Variants in USH2A observed in about 807,000 individuals in gnomAD.
USH2A encodes the protein Usher syndrome 2A (autosomal recessive, mild).
Under a neutral mutation model 538.9 loss-of-function variants are expected in USH2A, and 443 were observed. That is an observed-to-expected ratio of 0.82 (90% CI 0.76 to 0.89). The LOEUF (loss-of-function observed/expected upper bound fraction) is 0.89, where lower values mean the gene tolerates loss of function less well. Ranked by LOEUF, USH2A falls within the 40% of genes least tolerant of loss-of-function variation. The pLI is 0.00. For missense variants in USH2A, 6,633 were observed against 6,324.8 expected (o/e 1.05, Z -1.65); for synonymous variants, 2,413 against 2,273.5 (o/e 1.06, Z -1.75).
chr1:216,061,597 C>T (rs2031184811), intron 30 of USH2A, among the ~76,000 whole-genome samples: 1 of 152,140 alleles, frequency 6.6e-6, no homozygotes, highest in African/African-American at 2.4e-5. Context: ...AATGTCCAGG[C>T]CACATTCCAG....
chr1:216,338,542 A>T (rs2038018285), intron 4 of USH2A, among the ~76,000 whole-genome samples: 1 of 151,594 alleles, frequency 6.6e-6, no homozygotes, highest in South Asian at 2.1e-4. Flanking sequence ...AACCATAAAA[A>T]GTAACTGATA....
intron 9 of USH2A, among the ~76,000 whole-genome samples, chr1:216,311,777 C>T (rs1334595883): frequency 1.3e-5 from 2 of 151,976 alleles, no homozygotes; most frequent in African/African-American, 4.8e-5. Context: ...TTAAATAACA[C>T]GATACCACTT....
chr1:216,040,423 G>C (rs1256550228), intron 32 of USH2A, among the ~76,000 whole-genome samples: 1 of 151,970 alleles, frequency 6.6e-6, no homozygotes, highest in Admixed American at 6.6e-5. Flanking sequence ...AGCACAACTC[G>C]CATAAACCTC....
In USH2A at chr1:216,147,727, C is replaced by A. The variant is rs1392515264; in HGVS notation, c.4627+27525G>T. 2.0e-5 allele frequency among the ~76,000 whole-genome samples: 3 copies of A among 150,798 alleles called. No homozygotes were observed. In the East Asian group the frequency reaches 5.9e-4, roughly 30 times the overall value. On this transcript the variant is annotated intron_variant, in intron 21 of 71. Coordinates refer to ENST00000307340, the MANE Select transcript of USH2A (RefSeq NM_206933.4). ...TTCCTTGCCTCCACTGTGAGACAAA[C>A]CCCAGCCACATCTCCAGCACACAAG...
At position 215,648,657 on chromosome 1, in the gene USH2A, G is replaced by A. The variant is rs143344549; in HGVS notation, c.14453C>T (p.Pro4818Leu). 108 of 1,614,148 alleles carry A rather than the reference G, an allele frequency of 6.7e-5. No individual in the cohort carries two copies. The highest frequency in any genetic ancestry group is 2.7e-4 in the South Asian group (25 of 91,074). The change falls in exon 66 of 72, where the codon CCG becomes CTG. Residue 4818 changes from proline to leucine, a missense_variant. Physicochemically the swap from Pro to Leu is moderately conservative, Grantham distance 98. Transcript: ENST00000307340. ...CTCFNCCSKG[P>L]TAELRTHPAP... ...AGGATGGGTTCTCAGTTCAGCTGTCGGTCCTTTGCTGCAACAGTTGAAGCA... is the reference window on the plus strand; with the variant it reads ...AGGATGGGTTCTCAGTTCAGCTGTCAGTCCTTTGCTGCAACAGTTGAAGCA...
At chr1:216,188,626 C>T (rs767759060) in intron 20 of USH2A, among the ~76,000 whole-genome samples, 1 of 151,858 alleles carries the variant, frequency 6.6e-6, no homozygotes, top group Admixed American at 6.6e-5. Context: ...TAAGAAATCA[C>T]ATTCTAAAAG....
At chr1:215,645,241 A>G (rs969570097) in intron 67 of USH2A, among the ~76,000 whole-genome samples, 1 of 152,072 alleles carries the variant, frequency 6.6e-6, no homozygotes, top group Non-Finnish European at 1.5e-5. Flanking sequence ...GAAGGTGGAG[A>G]TGGTTTGAAG....
intron 49 of USH2A, among the ~76,000 whole-genome samples, chr1:215,805,190 C>T (rs1009756094): frequency 2.6e-5 from 4 of 151,722 alleles, no homozygotes; most frequent in South Asian, 2.1e-4. Flanking sequence ...TGTTAAATGA[C>T]GAGTTAATGG....
At chr1:216,201,204 A>G (rs1308558227) in intron 16 of USH2A, among the ~76,000 whole-genome samples, 3 of 151,352 alleles carry the variant, frequency 2.0e-5, no homozygotes, top group Non-Finnish European at 4.4e-5. Context: ...GCCTATCCCC[A>G]TCGGCAACTT....
chr1:215,990,582 C>G (rs1468171281), intron 35 of USH2A, among the ~76,000 whole-genome samples: 3 of 151,974 alleles, frequency 2.0e-5, no homozygotes, highest in Non-Finnish European at 4.4e-5. Context: ...AATGAAGTTC[C>G]ATTATGAAGG....
intron 21 of USH2A, among the ~76,000 whole-genome samples, chr1:216,169,283 AAC>A (rs1265532180): frequency 6.6e-6 from 1 of 152,100 alleles, no homozygotes; most frequent in African/African-American, 2.4e-5. Context: ...AGCTAACAAA[AAC>A]AGTTTGTTTT....
intron 44 of USH2A, among the ~76,000 whole-genome samples, chr1:215,859,722 C>G (rs1189194538): frequency 6.6e-6 from 1 of 152,142 alleles, no homozygotes; most frequent in African/African-American, 2.4e-5. Context: ...GGCCCCGTCT[C>G]CAAATACAGC....
At chr1:216,160,733 T>C (rs978681054) in intron 21 of USH2A, among the ~76,000 whole-genome samples, 1 of 152,168 alleles carries the variant, frequency 6.6e-6, no homozygotes, top group Non-Finnish European at 1.5e-5. Context: ...ACAACACTTA[T>C]AAAATGTCAC....
At chr1:216,386,640 G>C (rs1206204170) in intron 3 of USH2A, among the ~76,000 whole-genome samples, 1 of 150,574 alleles carries the variant, frequency 6.6e-6, no homozygotes, top group Non-Finnish European at 1.5e-5. Context: ...CAGATCACAA[G>C]GTCAGGAGAT....
chr1:215,906,108 G>A (rs1665634136), intron 38 of USH2A, among the ~76,000 whole-genome samples: 1 of 152,000 alleles, frequency 6.6e-6, no homozygotes, highest in African/African-American at 2.4e-5. Flanking sequence ...TAAACCATAT[G>A]TCATTTAAAA....
chr1:215,870,783 T>G (rs1664606292), intron 43 of USH2A, among the ~76,000 whole-genome samples: 1 of 152,146 alleles, frequency 6.6e-6, no homozygotes, highest in Non-Finnish European at 1.5e-5. Flanking sequence ...TTCCATTCAC[T>G]CTATGTATAC....
chr1:215,894,797 A>T (rs1665286339), intron 40 of USH2A, among the ~76,000 whole-genome samples: 1 of 152,158 alleles, frequency 6.6e-6, no homozygotes, highest in South Asian at 2.1e-4. Context: ...GGCTGGAACG[A>T]CCGACAGGAC....
chr1:215,790,045 T>C lies in USH2A; in HGVS notation c.10182+14A>G, dbSNP rs1661936506. On this transcript the variant is annotated intron_variant, in intron 51 of 71. Transcript: ENST00000307340. ...TGTCAAATCAGCGCCTCCGAGAGCT[T>C]TTCTATCAATTACCTTCATCATCAT... 3 of 1,611,686 alleles carry C rather than the reference T, an allele frequency of 1.9e-6. No homozygotes were observed. The highest frequency in any genetic ancestry group is 2.5e-6 in the Non-Finnish European group (3 of 1,179,506).
intron 32 of USH2A, among the ~76,000 whole-genome samples, chr1:216,028,205 C>T (rs1384027213): frequency 2.6e-5 from 4 of 151,914 alleles, no homozygotes; most frequent in African/African-American, 4.8e-5. Flanking sequence ...CGGGCTAACA[C>T]GGTGAAACCC....
Sources: gnomAD v4.1 joint callset for allele counts (sites outside exome capture counted in the v4.1 genomes callset) on GRCh38, gnomAD v4.1.1 for gene constraint, MANE v1.5 for transcripts, NCBI Gene and HGNC (gene_info 2026-07-23, HGNC 2026-07-21) for gene names.